The following ZNF777 variants were observed in gnomAD, a reference collection of about 807,000 sequenced individuals.
The protein encoded by ZNF777 is zinc finger protein 777.
In ZNF777, 7 loss-of-function variants were observed where a neutral mutation model predicts 72.1. That is an observed-to-expected ratio of 0.10 (90% CI 0.06 to 0.18). The LOEUF (loss-of-function observed/expected upper bound fraction) is 0.18. Ranked by LOEUF, ZNF777 falls within the 10% of genes least tolerant of loss-of-function variation. ZNF777 has a pLI of 1.00. For synonymous variants in ZNF777, 545 were observed against 483.5 expected, an observed-to-expected ratio of 1.13 and a Z score of -1.67; for missense variants, 828 against 1,128.6, an observed-to-expected ratio of 0.73 and a Z score of 3.82.
In ZNF777 at chr7:149,455,516, A is replaced by G. The variant is rs764061953; in HGVS notation, c.507T>C (p.Ser169=). ...GCGGCTGTTCCTTCTGGACTGCAGA[A>G]GAGATCTGGAAAGGGGTGTCCTTTT... ...VSQKDTPFQI[S]SAVQKEQPLP... is the part of the protein sequence containing the mutation. Residue 169 remains serine (S), a synonymous_variant, in exon 2 of 6, where the codon TCT becomes TCC. Coordinates refer to ENST00000247930, the MANE Select transcript of ZNF777 (RefSeq NM_015694.3). This position sits in a 1 kb window ranked among gnomAD's most constrained non-coding sequence, Gnocchi z 4.2. The G allele has an allele frequency of 6.2e-7, 1 of 1,614,018 alleles. No homozygotes were observed. Among genetic ancestry groups the G allele is most frequent in the Admixed American group, 1.7e-5 (1 of 60,010 alleles).
At chr7:149,442,290 CACACACACACACAG>C (rs1799533921) in intron 4 of ZNF777, among the ~76,000 whole-genome samples, 1 of 149,482 alleles carries the variant, frequency 6.7e-6, no homozygotes, top group Non-Finnish European at 1.5e-5. Context: ...CACACACACA[CACACACACACACAG>C]ACACACACAC....
At position 149,460,220 on chromosome 7, in the gene ZNF777, A is replaced by C; in HGVS notation, c.-16+595T>G. On this transcript the variant is annotated intron_variant, in intron 1 of 5. Coordinates refer to ENST00000247930, the MANE Select transcript of ZNF777 (RefSeq NM_015694.3). This position sits in a 1 kb window ranked among gnomAD's most constrained non-coding sequence, Gnocchi z 6.1. The stretch of plus-strand genomic sequence containing the variant: ...CGCCGCCGCTACTGCGCGCGGCCCC[A>C]CGCAGGCCCGGCCGCCCGGCGCTCT... The C allele has an allele frequency of 4.1e-6, 2 of 488,958 alleles. No individual in the cohort carries two copies. Among genetic ancestry groups the C allele is most frequent in the Non-Finnish European group, 5.3e-6 (2 of 379,774 alleles). 30.3% of individuals were successfully genotyped at this position (488,958 alleles called of 1,614,324 possible). A position where few individuals can be genotyped will look rare whatever the true frequency, so the allele number is the denominator to read the frequency against.
chr7:149,459,510 CCGCCCCCGA>C (rs956073594), intron 1 of ZNF777, among the ~76,000 whole-genome samples: 40 of 152,200 alleles, frequency 2.6e-4, no homozygotes, highest in African/African-American at 9.4e-4. Flanking sequence ...GCCTCCCCCG[CCGCCCCCGA>C]CGGGCCGCGT....
In ZNF777 at chr7:149,432,567, T is replaced by C; in HGVS notation, c.1705A>G (p.Ile569Val). The change falls in exon 6 of 6, where the codon ATC (isoleucine) becomes GTC (valine). Residue 569 changes from isoleucine (I) to valine (V), a missense_variant. Ile to Val is a conservative substitution (Grantham distance 29). Transcript: ENST00000247930. ...INLIIHQRNH[I>V]KEGPYECAEC... ...GCGCACTCGTAGGGCCCCTCCTTGA[T>C]GTGGTTGCGCTGGTGGATGATGAGG... The C allele has an allele frequency of 3.1e-6, 5 of 1,613,586 alleles. No homozygotes were observed. Among genetic ancestry groups the C allele is most frequent in the Non-Finnish European group, 4.2e-6 (5 of 1,179,748 alleles).
chr7:149,456,335 G>C (rs1409523518), intron 1 of ZNF777, among the ~76,000 whole-genome samples: 1 of 152,180 alleles, frequency 6.6e-6, no homozygotes, highest in Non-Finnish European at 1.5e-5. Flanking sequence ...GAGAGCGGAA[G>C]GGTGCTGGAC....
chr7:149,434,572 ATTTCTTTT>A (rs1799380445), intron 5 of ZNF777, among the ~76,000 whole-genome samples: 2 of 152,168 alleles, frequency 1.3e-5, no homozygotes, highest in African/African-American at 4.8e-5. Flanking sequence ...AAAGGTGCTT[ATTTCTTTT>A]TTTCTTTTAA....
chr7:149,448,515 A>ATATATAGTTATACATATAGT, intron 4 of ZNF777, among the ~76,000 whole-genome samples: 1 of 142,682 alleles, frequency 7.0e-6, no homozygotes, highest in South Asian at 2.1e-4. Flanking sequence ...ATATATAACT[A>ATATATAGTTATACATATAGT]TATATAGTTA....
chr7:149,455,156 C>G lies in ZNF777; in HGVS notation c.846+21G>C, dbSNP rs770901857. On this transcript the variant is annotated intron_variant, in intron 2 of 5. Coordinates refer to ENST00000247930, the MANE Select transcript of ZNF777 (RefSeq NM_015694.3). The surrounding 1 kb of genome is among the most constrained non-coding windows in gnomAD (Gnocchi z 4.2). ...CAATTCAGATCACTTCCTTGGGAAG[C>G]CCCAGTTGGGATGTGCTTACCTTGG... The G allele has an allele frequency of 6.3e-7, 1 of 1,595,636 alleles. No homozygotes were observed. Among genetic ancestry groups the G allele is most frequent in the South Asian group, 1.1e-5 (1 of 88,250 alleles).
chr7:149,449,809 T>A (rs1325025944), intron 4 of ZNF777, among the ~76,000 whole-genome samples: 1 of 152,166 alleles, frequency 6.6e-6, no homozygotes, highest in Non-Finnish European at 1.5e-5. Context: ...GAACTCAGGA[T>A]TAGCCCCTCT....
At chr7:149,438,730 A>T (rs895542737) in intron 4 of ZNF777, among the ~76,000 whole-genome samples, 1 of 152,192 alleles carries the variant, frequency 6.6e-6, no homozygotes, top group African/African-American at 2.4e-5. Flanking sequence ...CTCCTCTGCC[A>T]AATCCATTCA....
rs374384781 is a variant in ZNF777 at position 149,445,805 on chromosome 7, G to A, written c.1087+5194C>T. ...ATGCCTGCAGTAGGGACTGAGGGAG[G>A]CAATGGGAGCTGAGGGGAGCTTTAA... On this transcript the variant is annotated intron_variant, in intron 4 of 5. Transcript: ENST00000247930. 7.9e-5 allele frequency among the ~76,000 whole-genome samples: 12 copies of A among 152,320 alleles called. No homozygotes were observed. The East Asian group carries it at 2.1e-3, about 27-fold the overall frequency.
In ZNF777 at chr7:149,452,354, G is replaced by A. The variant is rs548223333; in HGVS notation, c.974-1242C>T. On this transcript the variant is annotated intron_variant, in intron 3 of 5. Transcript: ENST00000247930. ...CATATTTAAATAAATGAAGTAGGCT[G>A]GGCGTGTGGCTCACGCCTGTAATCC... 9.0e-4 allele frequency among the ~76,000 whole-genome samples: 137 copies of A among 151,794 alleles called. 1 individual carries two copies. Among genetic ancestry groups the A allele is most frequent in the African/African-American group, 3.1e-3 (128 of 41,374 alleles).
In ZNF777 at chr7:149,432,898, C is replaced by CTCG. The variant is rs1563232846; in HGVS notation, c.1371_1373dup (p.Asp457dup). On this transcript the variant is annotated inframe_insertion, in exon 6 of 6. Coordinates refer to ENST00000247930, the MANE Select transcript of ZNF777 (RefSeq NM_015694.3). ...CATCCTCCTCCTCCTCTTCTTCCTCCTCGTCTTGTTCCTCTGTCTTGATCA... is the reference window on the plus strand; with the variant it reads ...CATCCTCCTCCTCCTCTTCTTCCTCCTCGTCGTCTTGTTCCTCTGTCTTGATCA... 1.3e-6 allele frequency: 2 copies of CTCG among 1,522,382 alleles called. No homozygotes were observed. The highest frequency in any genetic ancestry group is 4.3e-5 in the Admixed American group (2 of 46,200). 94.3% of individuals were successfully genotyped at this position (1,522,382 alleles called of 1,614,324 possible). A position where few individuals can be genotyped will look rare whatever the true frequency, so the allele number is the denominator to read the frequency against.
chr7:149,460,339 G>T lies in ZNF777; in HGVS notation c.-16+476C>A, dbSNP rs1211889330. 2.1e-5 allele frequency among the ~76,000 whole-genome samples: 3 copies of T among 145,886 alleles called. No homozygotes were observed. The highest frequency in any genetic ancestry group is 1.4e-4 in the Admixed American group (2 of 14,724). On this transcript the variant is annotated intron_variant, in intron 1 of 5. Transcript: ENST00000247930. This position sits in a 1 kb window ranked among gnomAD's most constrained non-coding sequence, Gnocchi z 6.1. ...TGCTCGGGGCGCGCGGGGCGAGCGG[G>T]CGCGGGGTCGCGGAGCCCGAGCGGC...
chr7:149,456,385 C>A (rs1386197479), intron 1 of ZNF777, among the ~76,000 whole-genome samples: 3 of 152,180 alleles, frequency 2.0e-5, no homozygotes, highest in African/African-American at 7.2e-5. Context: ...CCTATTGCCA[C>A]CTGTGTCACT....
rs754885865 is a variant in ZNF777 at position 149,455,305 on chromosome 7, C to A, written c.718G>T (p.Val240Leu). 1.2e-6 allele frequency: 2 copies of A among 1,614,248 alleles called. No homozygotes were observed. Among genetic ancestry groups the A allele is most frequent in the Non-Finnish European group, 1.7e-6 (2 of 1,180,038 alleles). The part of the protein sequence containing the change: ...FANHLESKWV[V>L]LGTLLQEYGL... Reference sequence around the variant, plus strand: ...TACTCCTGCAGCAGGGTCCCCAACACGACCCACTTGCTCTCCAGATGGTTC... The same window carrying A: ...TACTCCTGCAGCAGGGTCCCCAACAAGACCCACTTGCTCTCCAGATGGTTC... The change falls in exon 2 of 6, where the codon GTG (valine) becomes TTG (leucine). Residue 240 changes from valine (V) to leucine (L), a missense_variant. This residue lies in a region of ZNF777 where 76 missense variants were observed against 157.3 expected (regional missense o/e 0.48). Coordinates refer to ENST00000247930, the MANE Select transcript of ZNF777 (RefSeq NM_015694.3). The surrounding 1 kb of genome is among the most constrained non-coding windows in gnomAD (Gnocchi z 4.2).
In ZNF777 at chr7:149,460,072, G is replaced by C. The variant is rs1799917174; in HGVS notation, c.-16+743C>G. On this transcript the variant is annotated intron_variant, in intron 1 of 5. Transcript: ENST00000247930. This position sits in a 1 kb window ranked among gnomAD's most constrained non-coding sequence, Gnocchi z 6.1. ...CCGCCGAGCCCGGGACACGCAGGCC[G>C]TCCCCGGGGCCCCGAGGCCGCGCGT... The C allele has an allele frequency of 1.0e-6, 1 of 982,244 alleles. No homozygotes were observed. Among genetic ancestry groups the C allele is most frequent in the Non-Finnish European group, 1.2e-6 (1 of 828,792 alleles). 60.8% of individuals were successfully genotyped at this position (982,244 alleles called of 1,614,324 possible). A position where few individuals can be genotyped will look rare whatever the true frequency, so the allele number is the denominator to read the frequency against.
In ZNF777 at chr7:149,455,978, T is replaced by C. The variant is rs758029128; in HGVS notation, c.45A>G (p.Pro15=). 24 of 1,608,762 alleles carry C rather than the reference T, an allele frequency of 1.5e-5. No individual in the cohort carries two copies. Among genetic ancestry groups the C allele is most frequent in the Non-Finnish European group, 1.7e-5 (20 of 1,177,464 alleles). The change falls in exon 2 of 6, where the codon CCA becomes CCG. Residue 15 remains proline (P), a synonymous_variant. Coordinates refer to ENST00000247930, the MANE Select transcript of ZNF777 (RefSeq NM_015694.3). The surrounding 1 kb of genome is among the most constrained non-coding windows in gnomAD (Gnocchi z 4.2). ...RSSPLSFPSV[P]QEETLRQAPA... ...GGGCCTGACGTAAGGTTTCTTCTTG[T>C]GGAACACTGGGGAACGACAGAGGTG...
At position 149,440,665 on chromosome 7, in the gene ZNF777, G is replaced by GTT. The variant is rs199888410; in HGVS notation, c.1088-3841_1088-3840dup. On this transcript the variant is annotated intron_variant, in intron 4 of 5. Coordinates refer to ENST00000247930, the MANE Select transcript of ZNF777 (RefSeq NM_015694.3). ...GAGCCACCATGCCCAGCAGCCTGTT[G>GTT]TTTTTTTGTTTTTTTTTTTTTTTTT... Among the ~76,000 whole-genome samples the GTT allele has an allele frequency of 1.6e-3, 144 of 88,088 alleles. 7 individuals carry two copies. Among genetic ancestry groups the GTT allele is most frequent in the African/African-American group, 2.4e-3 (44 of 18,692 alleles). The allele number at this position is 88,088 out of a possible 152,430, so 57.8% of individuals were successfully genotyped here.
Sources: gnomAD v4.1 joint callset for allele counts (sites outside exome capture counted in the v4.1 genomes callset) on GRCh38, gnomAD v4.1.1 for gene constraint, gnomAD v4.1.1 regional missense constraint, Gnocchi (gnomAD v3.1) non-coding constraint, MANE v1.5 for transcripts, NCBI Gene and HGNC (gene_info 2026-07-23, HGNC 2026-07-21) for gene names.